PDHX: variants seen among roughly 807,000 people sequenced by gnomAD.
The protein encoded by PDHX is pyruvate dehydrogenase protein X component, mitochondrial.
In PDHX, 33 loss-of-function variants were observed where a neutral mutation model predicts 55.3. That is an observed-to-expected ratio of 0.60 (90% CI 0.45 to 0.80). PDHX has a LOEUF of 0.80. Ranked by LOEUF, PDHX falls within the 30% of genes least tolerant of loss-of-function variation. PDHX has a pLI of 0.00. For missense variants in PDHX, 622 were observed against 619.9 expected (o/e 1.00, Z -0.04); for synonymous variants, 226 against 219.4 (o/e 1.03, Z -0.27).
At chr11:34,961,427 G>A (rs1855019468) in intron 5 of PDHX, among the ~76,000 whole-genome samples, 1 of 152,080 alleles carries the variant, frequency 6.6e-6, no homozygotes, top group South Asian at 2.1e-4. Context: ...ATTTTTATTG[G>A]CAGTAATAGT....
At chr11:34,986,409 A>G (rs1024240321) in intron 9 of PDHX, among the ~76,000 whole-genome samples, 3 of 151,982 alleles carry the variant, frequency 2.0e-5, no homozygotes, top group Non-Finnish European at 4.4e-5. Flanking sequence ...CCTTGTGTTT[A>G]TCAAGGGTTT....
At chr11:34,953,953 GTATTTTA>G in intron 3 of PDHX, among the ~76,000 whole-genome samples, 1 of 152,184 alleles carries the variant, frequency 6.6e-6, no homozygotes, top group Non-Finnish European at 1.5e-5. Context: ...CTTCCCCTCT[GTATTTTA>G]GCTTATCATT....
rs187304189 is a variant in PDHX at position 34,916,830 on chromosome 11, C to G, written c.160+15C>G. On this transcript the variant is annotated intron_variant, in intron 1 of 10. Transcript: ENST00000227868. ...GTGGCTTCGGGGTGAGTGGCCGGGGCTCGCTCAGCTTCTCTGTGTAGCTGA... is the reference window on the plus strand; with the variant it reads ...GTGGCTTCGGGGTGAGTGGCCGGGGGTCGCTCAGCTTCTCTGTGTAGCTGA... 1,269 of 1,555,976 alleles carry G rather than the reference C, an allele frequency of 8.2e-4. 11 individuals are homozygous for G. The African/African-American group carries it at 0.015, about 19-fold the overall frequency.
chr11:34,916,787 A>G lies in PDHX; in HGVS notation c.132A>G (p.Arg44=). ...CTGTAAGCCGCGGAGCTAATTGGAG[A>G]TGGTTTCACAGCACGCAGTGGCTTC... The part of the protein sequence containing the change: ...GWSVSRGANW[R]WFHSTQWLRG... Residue 44 remains arginine (R), a synonymous_variant, in exon 1 of 11, where the codon AGA becomes AGG. Coordinates refer to ENST00000227868, the MANE Select transcript of PDHX (RefSeq NM_003477.3). 1 of 1,595,448 alleles carries G rather than the reference A, an allele frequency of 6.3e-7. No homozygotes were observed. Among genetic ancestry groups the G allele is most frequent in the Non-Finnish European group, 8.5e-7 (1 of 1,171,466 alleles).
At chr11:34,959,156 G>T (rs1439401785) in intron 4 of PDHX, among the ~76,000 whole-genome samples, 1 of 151,788 alleles carries the variant, frequency 6.6e-6, no homozygotes, top group Non-Finnish European at 1.5e-5. Context: ...TATACCATTA[G>T]TCATGTAATC....
chr11:34,935,172 A>G (rs1175278110), intron 2 of PDHX, among the ~76,000 whole-genome samples: 2 of 151,764 alleles, frequency 1.3e-5, no homozygotes, highest in Admixed American at 1.3e-4. Context: ...TTTTTTATAT[A>G]TAAATTTTTT....
intron 2 of PDHX, among the ~76,000 whole-genome samples, chr11:34,945,661 C>T (rs1054423410): frequency 4.6e-5 from 7 of 151,936 alleles, no homozygotes; most frequent in East Asian, 3.9e-4. Flanking sequence ...ATGTTTTTAT[C>T]GTTGATAGAA....
At chr11:34,980,565 A>C (rs1855488559) in intron 8 of PDHX, among the ~76,000 whole-genome samples, 3 of 151,594 alleles carry the variant, frequency 2.0e-5, no homozygotes, top group Admixed American at 2.0e-4. Flanking sequence ...TTTCTCTTTT[A>C]CTTTAGTGTT....
intron 8 of PDHX, among the ~76,000 whole-genome samples, chr11:34,979,354 G>A (rs1855454734): frequency 6.6e-6 from 1 of 152,138 alleles, no homozygotes; most frequent in Non-Finnish European, 1.5e-5. Context: ...TGTAAACCTA[G>A]CTGGCTGGAG....
chr11:34,969,425 CCT>C (rs1270226465), intron 6 of PDHX, among the ~76,000 whole-genome samples: 2 of 151,364 alleles, frequency 1.3e-5, no homozygotes, highest in Admixed American at 6.6e-5. Context: ...CTCAGTGCAA[CCT>C]CTGTCTCCCC....
In PDHX at chr11:34,992,388, T is replaced by C. The variant is rs749343784; in HGVS notation, c.1247+9T>C. The C allele has an allele frequency of 2.1e-6, 3 of 1,444,356 alleles. No homozygotes were observed. The highest frequency in any genetic ancestry group is 2.9e-6 in the Non-Finnish European group (3 of 1,026,310). The allele number at this position is 1,444,356 out of a possible 1,614,324, so 89.5% of individuals were successfully genotyped here. A position where few individuals can be genotyped will look rare whatever the true frequency, so the allele number is the denominator to read the frequency against. ...CAAGGAGGATCTTTTAGGTAAAATT[T>C]AAACTCTTAATTATCCATAGCATCA... On this transcript the variant is annotated intron_variant, in intron 10 of 10. Transcript: ENST00000227868.
At chr11:34,925,206 A>G (rs1853989919) in intron 1 of PDHX, among the ~76,000 whole-genome samples, 3 of 152,184 alleles carry the variant, frequency 2.0e-5, no homozygotes, top group Non-Finnish European at 4.4e-5. Flanking sequence ...CAGTTTTTAT[A>G]TATCCTCAGC....
chr11:34,957,154 T>A (rs528253699), intron 3 of PDHX, among the ~76,000 whole-genome samples: 32 of 152,304 alleles, frequency 2.1e-4, no homozygotes, highest in African/African-American at 7.7e-4. Flanking sequence ...GATTTATCCT[T>A]TATTTCAGAA....
intron 5 of PDHX, among the ~76,000 whole-genome samples, chr11:34,961,057 T>A (rs1049438674): frequency 6.6e-6 from 1 of 152,210 alleles, no homozygotes; most frequent in Non-Finnish European, 1.5e-5. Flanking sequence ...TGCTTTAAAA[T>A]CTGATAACAA....
At chr11:34,953,598 G>GT (rs532176523) in intron 3 of PDHX, among the ~76,000 whole-genome samples, 5 of 152,046 alleles carry the variant, frequency 3.3e-5, no homozygotes, top group Admixed American at 2.6e-4. Flanking sequence ...TTTTAAACTT[G>GT]TTTTTTTAAA....
intron 3 of PDHX, 140 bp downstream of exon 3, chr11:34,947,746 G>A (rs776951974): frequency 2.3e-4 from 152 of 654,424 alleles, no homozygotes; most frequent in Admixed American, 1.5e-4. Flanking sequence ...TAGTTCAAGT[G>A]TTTAAAATGT....
intron 2 of PDHX, among the ~76,000 whole-genome samples, chr11:34,939,122 A>G (rs1249476253): frequency 1.4e-5 from 2 of 141,746 alleles, no homozygotes; most frequent in African/African-American, 5.1e-5. Flanking sequence ...TTCTTGGTAC[A>G]TTTATGATAA....
chr11:34,952,487 C>T (rs549025759), intron 3 of PDHX, among the ~76,000 whole-genome samples: 1 of 151,844 alleles, frequency 6.6e-6, no homozygotes, highest in African/African-American at 2.4e-5. Flanking sequence ...AAAAGCTTAT[C>T]CACCATGACC....
At chr11:34,983,560 G>A (rs1196658934) in intron 8 of PDHX, among the ~76,000 whole-genome samples, 1 of 151,842 alleles carries the variant, frequency 6.6e-6, no homozygotes, top group Non-Finnish European at 1.5e-5. Context: ...TAAGCTGATA[G>A]GCAACTTCAG....
Sources: gnomAD v4.1 joint callset for allele counts (sites outside exome capture counted in the v4.1 genomes callset) on GRCh38, gnomAD v4.1.1 for gene constraint, MANE v1.5 for transcripts, NCBI Gene and HGNC (gene_info 2026-07-23, HGNC 2026-07-21) for gene names.